The following RLN2 variants were observed in gnomAD, a reference collection of about 807,000 sequenced individuals.
The protein encoded by RLN2 is prorelaxin H2.
RLN2 carries 10 observed loss-of-function variants against 7.3 expected under a neutral mutation model. The ratio of observed to expected loss-of-function variants is 1.36; its 90% CI spans 0.84 to 2.31. The LOEUF (loss-of-function observed/expected upper bound fraction) is 2.31, where lower values mean the gene tolerates loss of function less well. Among genes scored for constraint, RLN2 ranks in the 30% most tolerant of loss-of-function variants. The pLI, the probability that RLN2 is intolerant of heterozygous loss-of-function variation, is 0.00. For missense variants in RLN2, 298 were observed against 217.6 expected, an observed-to-expected ratio of 1.37 and a Z score of -2.32; for synonymous variants, 103 against 82.3, an observed-to-expected ratio of 1.25 and a Z score of -1.36.
chr9:5,312,173 T>C, the RLN2 span, among the ~76,000 whole-genome samples: 20,014 of 151,938 alleles, frequency 0.13, 1,712 homozygotes, highest in South Asian at 0.21. Flanking sequence ...AGAGGAGGGA[T>C]CCCCTGATTT....
At chr9:5,330,741 AG>A in the RLN2 span, among the ~76,000 whole-genome samples, 1 of 148,480 alleles carries the variant, frequency 6.7e-6, no homozygotes, top group African/African-American at 2.5e-5. Flanking sequence ...CTAAGATCAG[AG>A]CAGAACTGAA....
chr9:5,332,412 G>GA, the RLN2 span, among the ~76,000 whole-genome samples: 2 of 151,928 alleles, frequency 1.3e-5, no homozygotes, highest in South Asian at 4.1e-4. Context: ...AACCCTAGCA[G>GA]AAAAAATAGT....
chr9:5,306,116 T>G (rs3758238), upstream of RLN2, among the ~76,000 whole-genome samples: 7,446 of 150,036 alleles, frequency 0.05, 258 homozygotes, highest in South Asian at 0.11. Context: ...TTTGTTTTTT[T>G]TTTTTTTTTT....
intron 1 of RLN2, among the ~76,000 whole-genome samples, chr9:5,302,698 A>G (rs1816175323): frequency 6.6e-6 from 1 of 152,222 alleles, no homozygotes; most frequent in African/African-American, 2.4e-5. Context: ...AAGTATTTTC[A>G]GCAACAATTT....
the RLN2 span, among the ~76,000 whole-genome samples, chr9:5,312,563 T>C: frequency 6.6e-6 from 1 of 152,032 alleles, no homozygotes; most frequent in African/African-American, 2.4e-5. Flanking sequence ...GAATACTTCA[T>C]TGGGTTTTAT....
At chr9:5,338,005 G>A in the RLN2 span, among the ~76,000 whole-genome samples, 1 of 151,250 alleles carries the variant, frequency 6.6e-6, no homozygotes, top group Non-Finnish European at 1.5e-5. Context: ...AAAGTATAAT[G>A]GTGAGTGAAA....
chr9:5,302,372 T>C (rs1270683983), intron 1 of RLN2, among the ~76,000 whole-genome samples: 3 of 152,282 alleles, frequency 2.0e-5, no homozygotes, highest in East Asian at 3.9e-4. Context: ...GTGAATATGA[T>C]TTTAGCACAT....
At chr9:5,304,285 T>G (rs1816190361) in intron 1 of RLN2, 85 bp downstream of exon 1, 2 of 881,156 alleles carry the variant, frequency 2.3e-6, no homozygotes, top group African/African-American at 2.0e-5. Flanking sequence ...GAGTCGGACG[T>G]GCAGGCCGCC....
the RLN2 span, among the ~76,000 whole-genome samples, chr9:5,332,717 G>T: frequency 1.3e-5 from 2 of 151,626 alleles, no homozygotes; most frequent in Non-Finnish European, 2.9e-5. Context: ...CCGGGTTCAA[G>T]CGATTCTCCT....
At chr9:5,316,039 G>C in the RLN2 span, among the ~76,000 whole-genome samples, 1 of 151,968 alleles carries the variant, frequency 6.6e-6, no homozygotes, top group African/African-American at 2.4e-5. Flanking sequence ...TAAATACATA[G>C]TCAAATCCAA....
At chr9:5,337,041 C>T in the RLN2 span, among the ~76,000 whole-genome samples, 5 of 152,026 alleles carry the variant, frequency 3.3e-5, no homozygotes, top group Non-Finnish European at 7.4e-5. Context: ...TTTGTCTTTG[C>T]CCCTAACACT....
the RLN2 span, among the ~76,000 whole-genome samples, chr9:5,329,025 C>T: frequency 2.0e-5 from 3 of 151,936 alleles, no homozygotes; most frequent in Admixed American, 6.6e-5. Flanking sequence ...CTGCATCGGC[C>T]GGGTGCGGTG....
At chr9:5,316,973 T>C in the RLN2 span, among the ~76,000 whole-genome samples, 1 of 152,170 alleles carries the variant, frequency 6.6e-6, no homozygotes, top group South Asian at 2.1e-4. Context: ...CTAGAGTTGT[T>C]GTATGGGATT....
chr9:5,307,270 A>ATAGAGGAT (rs1554618337), upstream of RLN2, among the ~76,000 whole-genome samples: 140 of 35,708 alleles, frequency 3.9e-3, 3 homozygotes, highest in African/African-American at 0.018. Context: ...AGATAGATAG[A>ATAGAGGAT]GGATAGATAG....
chr9:5,337,495 C>G, the RLN2 span, among the ~76,000 whole-genome samples: 1 of 152,054 alleles, frequency 6.6e-6, no homozygotes, highest in East Asian at 1.9e-4. Context: ...AAATAGATCT[C>G]TGGTTTAAAG....
upstream of RLN2, among the ~76,000 whole-genome samples, chr9:5,305,394 CACACACACAGAGAG>C (rs1206802743): frequency 4.2e-5 from 6 of 142,134 alleles, no homozygotes; most frequent in Admixed American, 1.4e-4. Flanking sequence ...CACACACACA[CACACACACAGAGAG>C]AGAGAGAGAG....
At chr9:5,306,914 C>G (rs990495094), upstream of RLN2, among the ~76,000 whole-genome samples, 6 of 152,082 alleles carry the variant, frequency 3.9e-5, no homozygotes, top group African/African-American at 1.4e-4. Flanking sequence ...ACAGTTCTGT[C>G]TAATACAACC....
the RLN2 span, among the ~76,000 whole-genome samples, chr9:5,319,972 T>A: frequency 6.7e-6 from 1 of 148,458 alleles, no homozygotes. Flanking sequence ...CTAAGGTTCA[T>A]CCTCTAAGCT....
the RLN2 span, among the ~76,000 whole-genome samples, chr9:5,310,235 C>A: frequency 6.6e-6 from 1 of 151,948 alleles, no homozygotes; most frequent in Non-Finnish European, 1.5e-5. Context: ...TAGTTCTGGT[C>A]TTTAGGTAGA....
Sources: gnomAD v4.1 joint callset for allele counts (sites outside exome capture counted in the v4.1 genomes callset) on GRCh38, gnomAD v4.1.1 for gene constraint, MANE v1.5 for transcripts, NCBI Gene and HGNC (gene_info 2026-07-23, HGNC 2026-07-21) for gene names.